Variants in AP2A2 observed in about 807,000 individuals in gnomAD.
The protein encoded by AP2A2 is adaptor related protein complex 2 subunit alpha 2, also known as AP-2 complex subunit alpha-2.
In AP2A2, 32 loss-of-function variants were observed where a neutral mutation model predicts 104.2. The observed-to-expected ratio is 0.31, with a 90% CI of 0.23 to 0.41. The LOEUF (loss-of-function observed/expected upper bound fraction) is 0.41. AP2A2 is among the 10% of genes least tolerant of loss of function. The probability of loss-of-function intolerance (pLI) is 1.00; values close to 1 mark genes in which losing one functional copy is unlikely to be tolerated. For missense variants in AP2A2, 912 were observed against 1,261.0 expected, an observed-to-expected ratio of 0.72 and a Z score of 4.19; for synonymous variants, 539 against 533.3, an observed-to-expected ratio of 1.01 and a Z score of -0.15.
chr11:985,141 AC>A (rs1452575055), intron 7 of AP2A2, among the ~76,000 whole-genome samples: 1 of 151,958 alleles, frequency 6.6e-6, no homozygotes, highest in African/African-American at 2.4e-5. Context: ...CTGCCATCAT[AC>A]CCGGCTAACT....
At chr11:1,003,827 G>T in intron 16 of AP2A2, 23 bp downstream of exon 16, 5 of 1,476,544 alleles carry the variant, frequency 3.4e-6, no homozygotes, top group Non-Finnish European at 4.7e-6. Context: ...ATTACTTAAT[G>T]AAACTGTCTC....
chr11:985,006 T>C (rs7395691), intron 7 of AP2A2, among the ~76,000 whole-genome samples: 94,745 of 152,052 alleles, frequency 0.62, 29,989 homozygotes, highest in Middle Eastern at 0.74. Flanking sequence ...CTTTTTGAGA[T>C]GGAGTCTCCC....
At chr11:977,000 A>T (rs1318653111) in intron 4 of AP2A2, 95 bp from the exon 5 acceptor site, 14 of 1,544,786 alleles carry the variant, frequency 9.1e-6, no homozygotes, top group South Asian at 8.3e-5. Context: ...CGCCAGCCCC[A>T]CCCCCGCGTC....
At chr11:966,935 G>A (rs993950630) in intron 2 of AP2A2, among the ~76,000 whole-genome samples, 5 of 152,192 alleles carry the variant, frequency 3.3e-5, no homozygotes, top group African/African-American at 1.2e-4. Flanking sequence ...TTAGGAGGCC[G>A]AGGAGGGCAG....
chr11:1,008,544 G>T (rs889299066), intron 18 of AP2A2: 2 of 206,334 alleles, frequency 9.7e-6, no homozygotes, highest in African/African-American at 2.3e-5. Context: ...AGCTCAGATC[G>T]TACCACTTTG....
chr11:954,783 T>A (rs1159009972), intron 1 of AP2A2, among the ~76,000 whole-genome samples: 2 of 152,016 alleles, frequency 1.3e-5, no homozygotes, highest in African/African-American at 4.8e-5. Context: ...AAAAGCAAGC[T>A]GTGGATGGGA....
At chr11:945,862 C>T (rs761761345) in intron 1 of AP2A2, among the ~76,000 whole-genome samples, 2 of 152,070 alleles carry the variant, frequency 1.3e-5, no homozygotes, top group African/African-American at 2.4e-5. Context: ...GGCTTAGAGG[C>T]AGGAAAGCCA....
At chr11:1,009,013 CGCTTCTCACTCCAGG>C in intron 18 of AP2A2, 72 bp from the exon 19 acceptor site, 1 of 1,110,726 alleles carries the variant, frequency 9.0e-7, no homozygotes, top group Non-Finnish European at 1.3e-6. Flanking sequence ...TAGATCGGGA[CGCTTCTCACTCCAGG>C]CTCTTTCCCG....
chr11:952,797 C>G lies in AP2A2; in HGVS notation c.68-6640C>G, dbSNP rs73408952. The stretch of plus-strand genomic sequence containing the variant: ...ACCCTTTCAGAATTCAGCTCCTCCC[C>G]GCTTCTCCTCAAGCTAATTTATCTA... On this transcript the variant is annotated intron_variant, in intron 1 of 21. Coordinates refer to ENST00000448903, the MANE Select transcript of AP2A2 (RefSeq NM_012305.4). 1.6e-3 allele frequency among the ~76,000 whole-genome samples: 250 copies of G among 152,248 alleles called. 2 individuals carry two copies. Among genetic ancestry groups the G allele is most frequent in the Middle Eastern group, 0.01 (3 of 294 alleles).
intron 1 of AP2A2, among the ~76,000 whole-genome samples, chr11:930,036 G>A (rs1354341989): frequency 6.7e-6 from 1 of 150,072 alleles, no homozygotes; most frequent in Non-Finnish European, 1.5e-5. Flanking sequence ...CGGAAGAATC[G>A]CTTGAACCCA....
At chr11:1,000,666 C>G in intron 15 of AP2A2, 68 bp downstream of exon 15, 1 of 1,468,750 alleles carries the variant, frequency 6.8e-7, no homozygotes, top group Non-Finnish European at 9.1e-7. Context: ...CTGGTGTGGC[C>G]GCGGCCAGCT....
chr11:988,982 G>A (rs567875104), intron 10 of AP2A2, among the ~76,000 whole-genome samples: 2 of 152,098 alleles, frequency 1.3e-5, no homozygotes, highest in Non-Finnish European at 2.9e-5. Flanking sequence ...GCAACACAGC[G>A]AGACCCTGTC....
chr11:1,007,916 T>C (rs1236145053), intron 17 of AP2A2, 96 bp from the exon 18 acceptor site: 8 of 1,524,716 alleles, frequency 5.2e-6, no homozygotes, highest in Middle Eastern at 1.7e-4. Flanking sequence ...GTGTGGTGAG[T>C]GTGCTCGCCT....
chr11:944,218 G>C (rs767137029), intron 1 of AP2A2, among the ~76,000 whole-genome samples: 9 of 152,302 alleles, frequency 5.9e-5, no homozygotes, highest in African/African-American at 2.2e-4. Context: ...TGATCCCGTC[G>C]CTCAGGAAAT....
At position 1,006,524 on chromosome 11, in the gene AP2A2, C is replaced by G; in HGVS notation, c.2207-4C>G. The G allele has an allele frequency of 6.2e-7, 1 of 1,610,298 alleles. No homozygotes were observed. Among genetic ancestry groups the G allele is most frequent in the Non-Finnish European group, 8.5e-7 (1 of 1,177,570 alleles). ...TGTGAAAAAATTGTTTTTGTTCCTT[C>G]TAGGTCGGATGTTTATCTTTTATGG... On this transcript the variant is annotated splice_region_variant and splice_polypyrimidine_tract_variant and intron_variant, in intron 16 of 21. Coordinates refer to ENST00000448903, the MANE Select transcript of AP2A2 (RefSeq NM_012305.4).
intron 8 of AP2A2, among the ~76,000 whole-genome samples, chr11:986,227 C>T (rs1215275493): frequency 6.6e-6 from 1 of 152,268 alleles, no homozygotes. Flanking sequence ...AGCTTGTGAA[C>T]ACCACCCATT....
chr11:941,753 A>G (rs996711239), intron 1 of AP2A2, among the ~76,000 whole-genome samples: 6 of 150,728 alleles, frequency 4.0e-5, no homozygotes, highest in Non-Finnish European at 8.9e-5. Flanking sequence ...ACGCCCGGCT[A>G]ATTTTTGTAT....
Position 992,545 on chromosome 11 carries a change from T to C in AP2A2, c.1312T>C (p.Tyr438His), listed in dbSNP as rs1295055819. Residue 438 changes from tyrosine (Y) to histidine (H), a missense_variant, in exon 11 of 22, where the codon TAC becomes CAC. Tyr to His is a moderately conservative substitution (Grantham distance 83, BLOSUM62 2). Around this residue, in one of 7 missense-constraint regions of AP2A2, gnomAD observed 350 missense variants for 487.0 expected, o/e 0.72. Transcript: ENST00000448903. The surrounding 1 kb of genome is among the most constrained non-coding windows in gnomAD (Gnocchi z 6.4). ...CCTGGCTGAGAAGTACGCGGTGGAC[T>C]ACACCTGGTATGTGGATACCATCTT... ...AILAEKYAVD[Y>H]TWYVDTILNL... is the part of the protein sequence containing the mutation. 1.9e-6 allele frequency: 3 copies of C among 1,611,886 alleles called. No homozygotes were observed. The highest frequency in any genetic ancestry group is 2.5e-6 in the Non-Finnish European group (3 of 1,178,994).
intron 16 of AP2A2, 62 bp from the exon 17 acceptor site, chr11:1,006,466 G>T (rs1856210699): frequency 1.7e-6 from 2 of 1,173,576 alleles, no homozygotes; most frequent in South Asian, 2.6e-5. Flanking sequence ...TGTTTTTCAG[G>T]GTAAATATTC....
Sources: allele counts gnomAD v4.1 joint callset (sites outside exome capture counted in the v4.1 genomes callset), GRCh38; gene constraint gnomAD v4.1.1; regional missense constraint gnomAD v4.1.1; non-coding constraint Gnocchi (gnomAD v3.1); transcripts MANE v1.5; gene names NCBI Gene and HGNC (gene_info 2026-07-23, HGNC 2026-07-21).